Variants in GULP1 observed in about 807,000 individuals in gnomAD.
GULP1 encodes the protein GULP PTB domain containing engulfment adaptor 1, also known as PTB domain-containing engulfment adapter protein 1.
A neutral mutation model predicts 40.9 loss-of-function variants in GULP1; 19 were observed. The observed-to-expected ratio is 0.46, with a 90% CI of 0.32 to 0.68. The LOEUF (loss-of-function observed/expected upper bound fraction) is 0.68, where lower values mean the gene tolerates loss of function less well. Ranked by LOEUF, GULP1 falls within the 30% of genes least tolerant of loss-of-function variation. GULP1 has a pLI of 0.03. For missense variants in GULP1, 312 were observed against 362.2 expected (o/e 0.86, Z 1.12); for synonymous variants, 119 against 117.6 (o/e 1.01, Z -0.08).
At chr2:188,556,237 T>G (rs1442673544) in intron 7 of GULP1, among the ~76,000 whole-genome samples, 1 of 152,140 alleles carries the variant, frequency 6.6e-6, no homozygotes, top group African/African-American at 2.4e-5. Context: ...TTTCTACTAT[T>G]TTTATCTTTA....
At chr2:188,497,119 T>G (rs2062973856) in intron 4 of GULP1, among the ~76,000 whole-genome samples, 1 of 152,010 alleles carries the variant, frequency 6.6e-6, no homozygotes, top group Non-Finnish European at 1.5e-5. Flanking sequence ...TCTGCCCGTT[T>G]TTGAAAAAGT....
At chr2:188,491,319 G>A (rs2062368377) in intron 4 of GULP1, 1 of 151,990 alleles carries the variant, frequency 6.6e-6, no homozygotes, top group Non-Finnish European at 1.5e-5. Flanking sequence ...TACCATTTCA[G>A]TAATGGTGTT....
chr2:188,305,647 A>G (rs1574265854), intron 1 of GULP1, among the ~76,000 whole-genome samples: 1 of 152,232 alleles, frequency 6.6e-6, no homozygotes, highest in Non-Finnish European at 1.5e-5. Context: ...ATGAAAAACA[A>G]TATATAATTA....
intron 2 of GULP1, among the ~76,000 whole-genome samples, chr2:188,399,714 A>AAC (rs1553540229): frequency 1.9e-3 from 247 of 130,984 alleles, no homozygotes; most frequent in South Asian, 4.2e-3. Context: ...AAAAAAAAAA[A>AAC]CATCAAACTG....
At chr2:188,412,254 CT>C (rs1276194299) in intron 2 of GULP1, among the ~76,000 whole-genome samples, 3 of 152,126 alleles carry the variant, frequency 2.0e-5, no homozygotes, top group Non-Finnish European at 4.4e-5. Context: ...CTCGTGAGAA[CT>C]CACTCACTTT....
At chr2:188,586,394 C>T (rs1702377290) in intron 10 of GULP1, among the ~76,000 whole-genome samples, 1 of 152,152 alleles carries the variant, frequency 6.6e-6, no homozygotes, top group South Asian at 2.1e-4. Context: ...TTAACAAACA[C>T]CTACTAGGTG....
chr2:188,556,474 A>G (rs1323676938), intron 7 of GULP1, among the ~76,000 whole-genome samples: 1 of 151,674 alleles, frequency 6.6e-6, no homozygotes, highest in Non-Finnish European at 1.5e-5. Flanking sequence ...TGTTTTTCAG[A>G]TTTCTTTTGT....
chr2:188,507,975 G>GT (rs978973975), intron 4 of GULP1, among the ~76,000 whole-genome samples: 1 of 151,870 alleles, frequency 6.6e-6, no homozygotes, highest in Non-Finnish European at 1.5e-5. Context: ...ATAAAGGGAA[G>GT]TTTTTTATAT....
intron 2 of GULP1, among the ~76,000 whole-genome samples, chr2:188,388,552 A>AAAAAAAC (rs1354616335): frequency 6.6e-6 from 1 of 151,978 alleles, no homozygotes. Flanking sequence ...CAAAAAATCA[A>AAAAAAAC]AAAAAACAAA....
At chr2:188,404,763 G>A (rs949407299) in intron 2 of GULP1, among the ~76,000 whole-genome samples, 7 of 152,216 alleles carry the variant, frequency 4.6e-5, no homozygotes, top group Non-Finnish European at 7.4e-5. Context: ...GCCAGCCCCC[G>A]AGTCTCCATC....
chr2:188,330,119 C>T lies in GULP1; in HGVS notation c.-172+37953C>T, dbSNP rs184998556. On this transcript the variant is annotated intron_variant, in intron 1 of 11. Transcript: ENST00000409830. ...TCAAATTACCTAGGCTGTTGATTCT[C>T]AAATTATTTAGTTGGATATTTGTAA... Among the ~76,000 whole-genome samples the T allele has an allele frequency of 2.7e-3, 410 of 152,094 alleles. 1 individual carries two copies. The highest frequency in any genetic ancestry group is 9.3e-3 in the African/African-American group (387 of 41,494).
chr2:188,310,023 C>A (rs2037800083), intron 1 of GULP1, among the ~76,000 whole-genome samples: 1 of 152,064 alleles, frequency 6.6e-6, no homozygotes, highest in African/African-American at 2.4e-5. Context: ...TTAAAGTAAA[C>A]CTTCTATATT....
intron 4 of GULP1, among the ~76,000 whole-genome samples, chr2:188,518,286 A>T (rs1022281902): frequency 1.3e-5 from 2 of 152,162 alleles, no homozygotes; most frequent in Admixed American, 6.5e-5. Flanking sequence ...ACAAGAAGAA[A>T]AAATGAAGGA....
intron 2 of GULP1, among the ~76,000 whole-genome samples, chr2:188,432,117 T>C (rs2056935977): frequency 6.6e-6 from 1 of 151,664 alleles, no homozygotes; most frequent in Non-Finnish European, 1.5e-5. Flanking sequence ...TGTCTGTCAC[T>C]TCAGCATTTT....
At chr2:188,347,800 T>C (rs2043894975) in intron 1 of GULP1, among the ~76,000 whole-genome samples, 1 of 152,162 alleles carries the variant, frequency 6.6e-6, no homozygotes, top group Non-Finnish European at 1.5e-5. Context: ...CTATTTTTTG[T>C]AGAGATGGCA....
At chr2:188,405,390 G>T (rs964467720) in intron 2 of GULP1, among the ~76,000 whole-genome samples, 11 of 151,982 alleles carry the variant, frequency 7.2e-5, no homozygotes, top group Non-Finnish European at 1.3e-4. Context: ...ATAGATTCAG[G>T]GTCCACACCT....
At chr2:188,328,876 C>A (rs2152020590) in intron 1 of GULP1, among the ~76,000 whole-genome samples, 1 of 152,206 alleles carries the variant, frequency 6.6e-6, no homozygotes, top group African/African-American at 2.4e-5. Context: ...TTAATACTAT[C>A]TTGCCTTTTG....
At chr2:188,524,486 A>G (rs899716968) in intron 5 of GULP1, among the ~76,000 whole-genome samples, 21 of 151,980 alleles carry the variant, frequency 1.4e-4, no homozygotes, top group Non-Finnish European at 2.8e-4. Context: ...TTAATAAGCA[A>G]TTTTACTGTG....
At chr2:188,572,990 CAA>C (rs1419496249) in intron 9 of GULP1, among the ~76,000 whole-genome samples, 1 of 151,960 alleles carries the variant, frequency 6.6e-6, no homozygotes, top group East Asian at 1.9e-4. Context: ...TGAAAATTGC[CAA>C]GAGTAGTTTT....
Sources: allele counts gnomAD v4.1 joint callset (sites outside exome capture counted in the v4.1 genomes callset), GRCh38; gene constraint gnomAD v4.1.1; transcripts MANE v1.5; gene names NCBI Gene and HGNC (gene_info 2026-07-23, HGNC 2026-07-21).